The following IFITM2 variants were observed in gnomAD, a reference collection of about 807,000 sequenced individuals.
IFITM2 encodes the protein interferon-induced transmembrane protein 2.
IFITM2 carries 3 observed loss-of-function variants against 5.9 expected under a neutral mutation model. The observed-to-expected ratio is 0.51, with a 90% CI of 0.23 to 1.32. The LOEUF (loss-of-function observed/expected upper bound fraction) is 1.32. Among genes scored for constraint, IFITM2 ranks in the 40% most tolerant of loss-of-function variants. The pLI is 0.18. For synonymous variants in IFITM2, 76 were observed against 72.4 expected (o/e 1.05, Z -0.25); for missense variants, 159 against 175.9 (o/e 0.90, Z 0.54).
intron 1 of IFITM2, among the ~76,000 whole-genome samples, 163 bp downstream of exon 1, chr11:308,601 G>C (rs1373525469): frequency 2.0e-5 from 3 of 151,684 alleles, no homozygotes; most frequent in Non-Finnish European, 4.4e-5. Flanking sequence ...TGTGTGATCT[G>C]TGTGTGTGTG....
At position 308,383 on chromosome 11, in the gene IFITM2, C is replaced by A. The variant is rs1845989870; in HGVS notation, c.191C>A (p.Thr64Asn). The A allele has an allele frequency of 6.2e-7, 1 of 1,613,852 alleles. No homozygotes were observed. ...CATGTGGTCTGGTCCCTGTTCAACA[C>A]CCTCTTCATGAACACCTGCTGCCTG... ...PDHVVWSLFNTLFMNTCCLGF... is the reference protein window; with the variant it reads ...PDHVVWSLFNNLFMNTCCLGF... The change falls in exon 1 of 2, where the codon ACC becomes AAC. Residue 64 changes from threonine to asparagine, a missense_variant. By Grantham distance (65) the Thr-to-Asn change is moderately conservative. Coordinates refer to ENST00000616316, the MANE Select transcript of IFITM2 (RefSeq NM_006435.3).
Position 309,257 on chromosome 11 carries a change from G to A in IFITM2, c.*92G>A. The A allele has an allele frequency of 8.1e-6, 13 of 1,609,424 alleles. No individual in the cohort carries two copies. The highest frequency in any genetic ancestry group is 1.1e-5 in the Non-Finnish European group (13 of 1,177,974). On this transcript the variant is annotated 3_prime_UTR_variant, in exon 2 of 2. Coordinates refer to ENST00000616316, the MANE Select transcript of IFITM2 (RefSeq NM_006435.3). ...TTCCTCGCCCTGCCCCCAGAGGCCA[G>A]GAGCTCTGCCCTTGACCTGTATTCC...
At position 309,008 on chromosome 11, in the gene IFITM2, C is replaced by G. The variant is rs1329372077; in HGVS notation, c.247-5C>G. On this transcript the variant is annotated splice_polypyrimidine_tract_variant and splice_region_variant and intron_variant, in intron 1 of 1. Transcript: ENST00000616316. ...CTGGTCCCCTCACCATCTCCTCTCC[C>G]CCAGTCTAGGGACAGGAAGATGGTT... 1 of 1,612,258 alleles carries G rather than the reference C, an allele frequency of 6.2e-7. No homozygotes were observed. Among genetic ancestry groups the G allele is most frequent in the Non-Finnish European group, 8.5e-7 (1 of 1,179,048 alleles).
In IFITM2 at chr11:309,006, C is replaced by T. The variant is rs773521883; in HGVS notation, c.247-7C>T. 5 of 1,611,934 alleles carry T rather than the reference C, an allele frequency of 3.1e-6. No homozygotes were observed. In the East Asian group the frequency reaches 8.9e-5, roughly 29 times the overall value. ...TCCTGGTCCCCTCACCATCTCCTCT[C>T]CCCCAGTCTAGGGACAGGAAGATGG... On this transcript the variant is annotated splice_polypyrimidine_tract_variant and splice_region_variant and intron_variant, in intron 1 of 1. Transcript: ENST00000616316.
intron 1 of IFITM2, 57 bp downstream of exon 1, chr11:308,495 G>A: frequency 1.2e-6 from 2 of 1,603,310 alleles, no homozygotes; most frequent in East Asian, 2.2e-5. Flanking sequence ...GGCTCCACCT[G>A]CCCACATGCT....
chr11:308,587 TGTCTGTGTG>T (rs1280288776), intron 1 of IFITM2, 149 bp downstream of exon 1: 4 of 1,272,308 alleles, frequency 3.1e-6, no homozygotes, highest in Non-Finnish European at 4.6e-6. Flanking sequence ...TCAGTGGCTT[TGTCTGTGTG>T]ATCTGTGTGT....
chr11:308,486 G>T, intron 1 of IFITM2, 48 bp downstream of exon 1: 1 of 1,607,228 alleles, frequency 6.2e-7, no homozygotes. Context: ...TGAGCCTGGG[G>T]CTCCACCTGC....
In IFITM2 at chr11:308,176, G is replaced by A. The variant is rs572967253; in HGVS notation, c.-17G>A. ...TCACTGAGAACCATCCCGGTAACCC[G>A]ATCACCGCTGGTCACCATGAACCAC... is the stretch of plus-strand genomic sequence containing the variant. On this transcript the variant is annotated 5_prime_UTR_variant, in exon 1 of 2. Transcript: ENST00000616316. 1.4e-4 allele frequency: 218 copies of A among 1,609,148 alleles called. No homozygotes were observed. In the South Asian group the frequency reaches 1.7e-3, roughly 13 times the overall value.
rs772459049 is a variant in IFITM2 at position 308,147 on chromosome 11, G to A, written c.-46G>A. 9 of 1,600,278 alleles carry A rather than the reference G, an allele frequency of 5.6e-6. No individual in the cohort carries two copies. In the South Asian group the frequency reaches 1.0e-4, roughly 18 times the overall value. On this transcript the variant is annotated 5_prime_UTR_variant, in exon 1 of 2. Transcript: ENST00000616316. ...AAAACGGAACTACTGGGGAAAGGGA[G>A]GGCTCACTGAGAACCATCCCGGTAA... is the stretch of plus-strand genomic sequence containing the variant.
chr11:309,220 C>T lies in IFITM2; in HGVS notation c.*55C>T, dbSNP rs568154292. On this transcript the variant is annotated 3_prime_UTR_variant, in exon 2 of 2. Coordinates refer to ENST00000616316, the MANE Select transcript of IFITM2 (RefSeq NM_006435.3). The stretch of plus-strand genomic sequence containing the variant: ...CTGCCCGTGACCTGTATCCCACGTA[C>T]TCTATCTTCCATTCCTCGCCCTGCC... 6 of 1,613,838 alleles carry T rather than the reference C, an allele frequency of 3.7e-6. No individual in the cohort carries two copies. The East Asian group carries it at 8.9e-5, about 24-fold the overall frequency.
At position 308,433 on chromosome 11, in the gene IFITM2, G is replaced by T. The variant is rs771775579; in HGVS notation, c.241G>T (p.Val81Leu). 1 of 1,613,248 alleles carries T rather than the reference G, an allele frequency of 6.2e-7. No individual in the cohort carries two copies. Among genetic ancestry groups the T allele is most frequent in the Non-Finnish European group, 8.5e-7 (1 of 1,179,444 alleles). Reference sequence around the variant, plus strand: ...GGGCTTCATAGCATTCGCGTACTCCGTGAAGGTGCGTATGGCCCTGGCGGA... The same window carrying T: ...GGGCTTCATAGCATTCGCGTACTCCTTGAAGGTGCGTATGGCCCTGGCGGA... ...CLGFIAFAYSVKSRDRKMVGD... is the reference protein window; with the variant it reads ...CLGFIAFAYSLKSRDRKMVGD... Residue 81 changes from valine to leucine, a missense_variant, in exon 1 of 2, where the codon GTG (valine) becomes TTG (leucine). Physicochemically the swap from Val to Leu is conservative, Grantham distance 32. Coordinates refer to ENST00000616316, the MANE Select transcript of IFITM2 (RefSeq NM_006435.3).
rs182799045 is a variant in IFITM2 at position 308,021 on chromosome 11, C to T, written c.-172C>T. 5,367 of 800,720 alleles carry T rather than the reference C, an allele frequency of 6.7e-3. 32 individuals are homozygous for T. The highest frequency in any genetic ancestry group is 7.9e-3 in the Non-Finnish European group (3,980 of 501,664). The allele number at this position is 800,720 out of a possible 1,614,324, so 49.6% of individuals were successfully genotyped here. ...TCTTAGCCCTCAGCCCCTCTTTCCT[C>T]CCTCTCCTAAAGTAATTTGATCCTC... On this transcript the variant is annotated 5_prime_UTR_variant, in exon 1 of 2. Coordinates refer to ENST00000616316, the MANE Select transcript of IFITM2 (RefSeq NM_006435.3).
rs143034642 is a variant in IFITM2 at position 309,180 on chromosome 11, T to G, written c.*15T>G. ...CCCAGCGATAGATCAGGAGGCATCA[T>G]TGAGGCCAGGAGCTCTGCCCGTGAC... On this transcript the variant is annotated 3_prime_UTR_variant, in exon 2 of 2. Coordinates refer to ENST00000616316, the MANE Select transcript of IFITM2 (RefSeq NM_006435.3). 1 of 1,614,142 alleles carries G rather than the reference T, an allele frequency of 6.2e-7. No homozygotes were observed. Among genetic ancestry groups the G allele is most frequent in the South Asian group, 1.1e-5 (1 of 91,072 alleles).
At chr11:308,628 C>G (rs1845992598) in intron 1 of IFITM2, 190 bp downstream of exon 1, 14 of 951,298 alleles carry the variant, frequency 1.5e-5, no homozygotes, top group Middle Eastern at 2.1e-4. Flanking sequence ...GGGGAATCTG[C>G]CCAGTGCAGG....
intron 1 of IFITM2, 30 bp from the exon 2 acceptor site, chr11:308,983 C>T: frequency 1.2e-6 from 2 of 1,606,702 alleles, no homozygotes; most frequent in Admixed American, 1.7e-5. Context: ...CTGGGGGATC[C>T]TGGTCCCCTC....
rs746026242 is a variant in IFITM2, at chr11:309,195, C to G, written c.*30C>G. The G allele has an allele frequency of 6.2e-6, 10 of 1,614,108 alleles. No homozygotes were observed. The highest frequency in any genetic ancestry group is 6.8e-6 in the Non-Finnish European group (8 of 1,180,008). On this transcript the variant is annotated 3_prime_UTR_variant, in exon 2 of 2. Transcript: ENST00000616316. Reference sequence around the variant, plus strand: ...GGAGGCATCATTGAGGCCAGGAGCTCTGCCCGTGACCTGTATCCCACGTAC... The same window carrying G: ...GGAGGCATCATTGAGGCCAGGAGCTGTGCCCGTGACCTGTATCCCACGTAC...
At chr11:308,945 A>G in intron 1 of IFITM2, 68 bp from the exon 2 acceptor site, 22 of 1,604,080 alleles carry the variant, frequency 1.4e-5, no homozygotes, top group Non-Finnish European at 1.8e-5. Flanking sequence ...GACAGTGAGG[A>G]GCTGGAGCCA....
In IFITM2 at chr11:308,443, G is replaced by A. The variant is rs373897391; in HGVS notation, c.246+5G>A. The A allele has an allele frequency of 3.1e-5, 50 of 1,612,518 alleles. No individual in the cohort carries two copies. The highest frequency in any genetic ancestry group is 1.2e-4 in the Admixed American group (7 of 59,986). The stretch of plus-strand genomic sequence containing the variant: ...GCATTCGCGTACTCCGTGAAGGTGC[G>A]TATGGCCCTGGCGGAAATCCAGGGG... On this transcript the variant is annotated splice_donor_5th_base_variant and intron_variant, in intron 1 of 1. Transcript: ENST00000616316.
chr11:308,975 G>A (rs1845995665), intron 1 of IFITM2, 38 bp from the exon 2 acceptor site: 1 of 1,604,968 alleles, frequency 6.2e-7, no homozygotes, highest in Non-Finnish European at 8.5e-7. Flanking sequence ...GCTCTCAGCT[G>A]GGGGATCCTG....
Sources: gnomAD v4.1 joint callset for allele counts (sites outside exome capture counted in the v4.1 genomes callset) on GRCh38, gnomAD v4.1.1 for gene constraint, MANE v1.5 for transcripts, NCBI Gene and HGNC (gene_info 2026-07-23, HGNC 2026-07-21) for gene names.